The following NRXN3 variants were observed in gnomAD, a reference collection of about 807,000 sequenced individuals.
The protein encoded by NRXN3 is neurexin III.
In NRXN3, 32 loss-of-function variants were observed where a neutral mutation model predicts 137.6. That is an observed-to-expected ratio of 0.23 (90% CI 0.18 to 0.31). The LOEUF is 0.31. Among genes scored for constraint, NRXN3 ranks in the 10% least tolerant of loss-of-function variants. The probability of loss-of-function intolerance (pLI) is 1.00; values close to 1 mark genes in which losing one functional copy is unlikely to be tolerated. For missense variants in NRXN3, 1,574 were observed against 2,062.5 expected (o/e 0.76, Z 4.59); for synonymous variants, 798 against 784.5 (o/e 1.02, Z -0.29).
chr14:78,681,924 G>A (rs2098079965), intron 6 of NRXN3, among the ~76,000 whole-genome samples: 1 of 152,098 alleles, frequency 6.6e-6, no homozygotes, highest in Non-Finnish European at 1.5e-5. Context: ...CTGGAGTCCA[G>A]TGGCACAACC....
chr14:79,182,711 A>G (rs77840775), intron 15 of NRXN3, among the ~76,000 whole-genome samples: 4,416 of 152,238 alleles, frequency 0.029, 218 homozygotes, highest in African/African-American at 0.1. Flanking sequence ...CCCCTTTTCT[A>G]AGTGTTAAGA....
chr14:78,683,136 T>G lies in NRXN3; in HGVS notation c.1222-26081T>G, dbSNP rs898327114. Among the ~76,000 whole-genome samples, 6 of 152,152 alleles carry G rather than the reference T, an allele frequency of 3.9e-5. No homozygotes were observed. The East Asian group carries it at 1.2e-3, about 29-fold the overall frequency. ...AAAAAGTGAAAGATCTTAGAAAAAG[T>G]TTCTTATGTTGATTATATGTTGAAA... is the stretch of plus-strand genomic sequence containing the variant. On this transcript the variant is annotated intron_variant, in intron 6 of 20. Transcript: ENST00000335750.
chr14:79,542,922 G>A (rs977408868), intron 16 of NRXN3, among the ~76,000 whole-genome samples: 2 of 151,948 alleles, frequency 1.3e-5, no homozygotes, highest in African/African-American at 2.4e-5. Flanking sequence ...GATATAACTA[G>A]TAGTCCTTGG....
At chr14:79,317,256 C>T (rs1282016493) in intron 15 of NRXN3, among the ~76,000 whole-genome samples, 2 of 151,984 alleles carry the variant, frequency 1.3e-5, no homozygotes, top group African/African-American at 2.4e-5. Context: ...AAAGTGTTGG[C>T]GGGGCCAAGA....
intron 19 of NRXN3, among the ~76,000 whole-genome samples, chr14:79,775,533 T>A (rs2099094061): frequency 7.2e-6 from 1 of 139,646 alleles, no homozygotes; most frequent in African/African-American, 2.7e-5. Flanking sequence ...GCCTGGACTC[T>A]AGAGGATTGG....
chr14:78,654,582 C>T (rs2097771284), intron 6 of NRXN3, among the ~76,000 whole-genome samples: 4 of 152,236 alleles, frequency 2.6e-5, no homozygotes, highest in African/African-American at 2.4e-5. Context: ...TACTTCCTAA[C>T]TTCATACCAG....
intron 20 of NRXN3, among the ~76,000 whole-genome samples, chr14:79,824,957 C>T (rs1334539711): frequency 2.0e-5 from 3 of 152,190 alleles, no homozygotes; most frequent in African/African-American, 4.8e-5. Context: ...TGATAATGTA[C>T]TTAGGTATTA....
At chr14:79,701,795 A>T (rs1185986017) in intron 19 of NRXN3, among the ~76,000 whole-genome samples, 1 of 152,076 alleles carries the variant, frequency 6.6e-6, no homozygotes, top group Non-Finnish European at 1.5e-5. Context: ...CTACCACATT[A>T]CTAAGGCTAC....
chr14:79,133,908 G>T (rs190206178), intron 15 of NRXN3, among the ~76,000 whole-genome samples: 1 of 144,384 alleles, frequency 6.9e-6, no homozygotes, highest in African/African-American at 2.6e-5. Context: ...CAGCTTGGGC[G>T]ACAGAGCAAG....
chr14:78,846,683 A>G (rs1430577948), intron 10 of NRXN3, among the ~76,000 whole-genome samples: 2 of 152,054 alleles, frequency 1.3e-5, no homozygotes, highest in Admixed American at 6.6e-5. Context: ...CTCAGATCCT[A>G]GACAGTGTCC....
intron 15 of NRXN3, among the ~76,000 whole-genome samples, chr14:79,377,275 CA>C (rs1278037095): frequency 2.0e-5 from 3 of 152,194 alleles, no homozygotes; most frequent in African/African-American, 7.2e-5. Context: ...CTCAGCTTTT[CA>C]TTATCAAAGC....
rs2084219581 is a variant in NRXN3, at chr14:79,296,676, C to G, written c.3263-170545C>G. ...TTCAATTGCCCTGTAATTCTTTTAT[C>G]ATGATCACTATTTACAAGAGAAAAA... On this transcript the variant is annotated intron_variant, in intron 15 of 20. Transcript: ENST00000335750. Among the ~76,000 whole-genome samples the G allele has an allele frequency of 2.0e-5, 3 of 152,110 alleles. No individual in the cohort carries two copies. The South Asian group carries it at 6.2e-4, about 32-fold the overall frequency.
At chr14:79,800,921 G>A (rs1040558845) in intron 19 of NRXN3, among the ~76,000 whole-genome samples, 1 of 152,118 alleles carries the variant, frequency 6.6e-6, no homozygotes, top group South Asian at 2.1e-4. Context: ...TAGATGTTAG[G>A]GACAAAAGTA....
intron 16 of NRXN3, among the ~76,000 whole-genome samples, chr14:79,541,449 T>A (rs2097271800): frequency 6.6e-6 from 1 of 152,174 alleles, no homozygotes; most frequent in Non-Finnish European, 1.5e-5. Context: ...ACCTAGATAA[T>A]CCAGGATGAT....
At chr14:79,565,324 TGTATATATATATACATATGTGTGC>T (rs2097540172) in intron 16 of NRXN3, among the ~76,000 whole-genome samples, 2 of 144,646 alleles carry the variant, frequency 1.4e-5, no homozygotes, top group Non-Finnish European at 1.5e-5. Context: ...CACATGTGTG[TGTATATATATATACATATGTGTGC>T]GTATATGTAT....
chr14:79,358,657 G>GAAAGAAAGAAAGA, intron 15 of NRXN3, among the ~76,000 whole-genome samples: 2 of 150,224 alleles, frequency 1.3e-5, no homozygotes, highest in Admixed American at 6.6e-5. Flanking sequence ...AAGAAAGAAA[G>GAAAGAAAGAAAGA]AAAGAAAGAA....
intron 10 of NRXN3, among the ~76,000 whole-genome samples, chr14:78,927,785 G>C (rs983572821): frequency 7.2e-5 from 11 of 152,218 alleles, no homozygotes; most frequent in Middle Eastern, 6.8e-3. Context: ...GCTTGCCAAT[G>C]CTCATATTTG....
At chr14:79,785,571 C>A (rs1348446214) in intron 19 of NRXN3, among the ~76,000 whole-genome samples, 2 of 152,172 alleles carry the variant, frequency 1.3e-5, no homozygotes, top group African/African-American at 4.8e-5. Flanking sequence ...TGACATCCCA[C>A]TCAGAATCTA....
At chr14:79,771,558 T>C (rs1165213821) in intron 19 of NRXN3, among the ~76,000 whole-genome samples, 3 of 150,464 alleles carry the variant, frequency 2.0e-5, no homozygotes. Context: ...AGAAAAGGCC[T>C]TTGACAAAAT....
Sources: gnomAD v4.1 joint callset for allele counts (sites outside exome capture counted in the v4.1 genomes callset) on GRCh38, gnomAD v4.1.1 for gene constraint, MANE v1.5 for transcripts, NCBI Gene and HGNC (gene_info 2026-07-23, HGNC 2026-07-21) for gene names.